Variants in LRFN5 observed in about 807,000 individuals in gnomAD.
The protein encoded by LRFN5 is leucine-rich repeat and fibronectin type-III domain-containing protein 5.
Under a neutral mutation model 45.6 loss-of-function variants are expected in LRFN5, and 24 were observed. The ratio of observed to expected loss-of-function variants is 0.53; its 90% CI spans 0.38 to 0.74. LRFN5 has a LOEUF of 0.74. LRFN5 is among the 30% of genes least tolerant of loss of function. The probability of loss-of-function intolerance (pLI) is 0.00; values close to 1 mark genes in which losing one functional copy is unlikely to be tolerated. For missense variants in LRFN5, 776 were observed against 861.5 expected, an observed-to-expected ratio of 0.90 and a Z score of 1.24; for synonymous variants, 340 against 313.8, an observed-to-expected ratio of 1.08 and a Z score of -0.88.
chr14:41,651,920 T>C (rs1270923569), intron 1 of LRFN5, among the ~76,000 whole-genome samples: 2 of 152,156 alleles, frequency 1.3e-5, no homozygotes, highest in East Asian at 3.8e-4. Context: ...TCTCCCTTTG[T>C]CTTAATATGT....
In LRFN5 at chr14:41,891,707, G is replaced by GA; in HGVS notation, c.1846dup (p.Thr616AsnfsTer43). On this transcript the variant is annotated frameshift_variant, in exon 4 of 6. Coordinates refer to ENST00000298119, the MANE Select transcript of LRFN5 (RefSeq NM_152447.5). LOFTEE classifies it high-confidence loss of function. The stretch of plus-strand genomic sequence containing the variant: ...CAGTGACAATGTGATTCAATCTTCA[G>GA]AAACTTGTTCGAGTCAGGACTCCTC... 1 of 1,614,168 alleles carries GA rather than the reference G, an allele frequency of 6.2e-7. No individual in the cohort carries two copies. The highest frequency in any genetic ancestry group is 8.5e-7 in the Non-Finnish European group (1 of 1,180,034).
chr14:41,836,933 G>T (rs1213946265), intron 2 of LRFN5, among the ~76,000 whole-genome samples: 1 of 152,076 alleles, frequency 6.6e-6, no homozygotes, highest in East Asian at 1.9e-4. Context: ...GCAGTGTGTA[G>T]TCCCCTGTTT....
At chr14:41,634,390 A>T (rs541727431) in intron 1 of LRFN5, among the ~76,000 whole-genome samples, 17 of 152,290 alleles carry the variant, frequency 1.1e-4, no homozygotes, top group Admixed American at 2.6e-4. Context: ...CCCTCTGTCT[A>T]ATGCAGTTTC....
At chr14:41,797,430 T>C (rs1165651523) in intron 2 of LRFN5, among the ~76,000 whole-genome samples, 3 of 151,736 alleles carry the variant, frequency 2.0e-5, no homozygotes, top group Admixed American at 2.0e-4. Flanking sequence ...ATATTTCTAT[T>C]TATCAACTTG....
At chr14:41,725,280 G>T (rs58625155) in intron 1 of LRFN5, among the ~76,000 whole-genome samples, 6,818 of 152,244 alleles carry the variant, frequency 0.045, 339 homozygotes, top group African/African-American at 0.12. Flanking sequence ...AGAACGTGGG[G>T]CTAGCTGACT....
intron 2 of LRFN5, among the ~76,000 whole-genome samples, chr14:41,875,763 T>A (rs1197256781): frequency 1.3e-5 from 2 of 152,036 alleles, no homozygotes; most frequent in East Asian, 3.9e-4. Context: ...GAAAATAGAG[T>A]CTTTAGGATC....
intron 2 of LRFN5, among the ~76,000 whole-genome samples, chr14:41,833,943 C>G (rs1169959807): frequency 6.6e-6 from 1 of 152,116 alleles, no homozygotes; most frequent in African/African-American, 2.4e-5. Flanking sequence ...GATTTTTGTA[C>G]AGCAGTCTAT....
chr14:41,683,223 T>G (rs1257544748), intron 1 of LRFN5, among the ~76,000 whole-genome samples: 1 of 152,182 alleles, frequency 6.6e-6, no homozygotes, highest in African/African-American at 2.4e-5. Context: ...AAAATCCATA[T>G]GATCATTTCA....
At chr14:41,721,405 G>T (rs1883707816) in intron 1 of LRFN5, among the ~76,000 whole-genome samples, 1 of 152,138 alleles carries the variant, frequency 6.6e-6, no homozygotes, top group African/African-American at 2.4e-5. Context: ...GTTTAATCTT[G>T]TTGTGAAGTT....
chr14:41,778,690 C>G (rs1284598311), intron 2 of LRFN5, among the ~76,000 whole-genome samples: 3 of 151,750 alleles, frequency 2.0e-5, no homozygotes, highest in Admixed American at 6.6e-5. Context: ...TTGTTATGAT[C>G]CCTTTCTGCC....
At chr14:41,738,527 G>C (rs985442558) in intron 1 of LRFN5, among the ~76,000 whole-genome samples, 12 of 152,120 alleles carry the variant, frequency 7.9e-5, no homozygotes, top group African/African-American at 2.9e-4. Context: ...TAAATGACAG[G>C]ATTCTGGGTA....
chr14:41,895,134 A>C, intron 4 of LRFN5: 3 of 775,820 alleles, frequency 3.9e-6, no homozygotes, highest in Non-Finnish European at 4.7e-6. Context: ...GTGTTCCTGC[A>C]TTATTTTTGT....
rs138993890 is a variant in LRFN5 at position 41,751,930 on chromosome 14, A to G, written c.-196-14924A>G. Among the ~76,000 whole-genome samples the G allele has an allele frequency of 2.1e-3, 325 of 152,096 alleles. 1 individual carries two copies. Among genetic ancestry groups the G allele is most frequent in the African/African-American group, 7.6e-3 (316 of 41,486 alleles). ...CCCTCCCCTCTCCCGCCAACCCACA[A>G]CAGGCCCCGGTGTGTGATGTTCCCC... On this transcript the variant is annotated intron_variant, in intron 1 of 5. Transcript: ENST00000298119.
chr14:41,718,190 A>G (rs1307849159), intron 1 of LRFN5, among the ~76,000 whole-genome samples: 2 of 152,194 alleles, frequency 1.3e-5, no homozygotes, highest in South Asian at 2.1e-4. Flanking sequence ...GTTACTTGAC[A>G]TCTCTAAGCC....
chr14:41,697,446 T>G (rs1037213122), intron 1 of LRFN5, among the ~76,000 whole-genome samples: 6 of 151,912 alleles, frequency 3.9e-5, no homozygotes, highest in African/African-American at 1.4e-4. Context: ...TAGACATGTG[T>G]TAAAATATGC....
chr14:41,882,232 AT>A (rs71440758), intron 2 of LRFN5, among the ~76,000 whole-genome samples: 1,750 of 150,838 alleles, frequency 0.012, 32 homozygotes, highest in African/African-American at 0.041. Context: ...CACCCCTAGC[AT>A]TTTTTTTTCT....
intron 2 of LRFN5, among the ~76,000 whole-genome samples, chr14:41,865,961 T>G (rs1889825963): frequency 6.6e-6 from 1 of 152,198 alleles, no homozygotes. Context: ...TACCAGACCC[T>G]TATCATAAGT....
At chr14:41,662,254 A>G (rs1306035246) in intron 1 of LRFN5, among the ~76,000 whole-genome samples, 1 of 152,100 alleles carries the variant, frequency 6.6e-6, no homozygotes, top group Non-Finnish European at 1.5e-5. Context: ...GTAGTTAGTT[A>G]TTCATGACAT....
intron 2 of LRFN5, among the ~76,000 whole-genome samples, chr14:41,822,973 C>T (rs905743419): frequency 1.3e-5 from 2 of 150,504 alleles, no homozygotes; most frequent in African/African-American, 4.9e-5. Context: ...TACTCCTGCT[C>T]ACTTTTGGTT....
Sources: allele counts gnomAD v4.1 joint callset (sites outside exome capture counted in the v4.1 genomes callset), GRCh38; gene constraint gnomAD v4.1.1; transcripts MANE v1.5; gene names NCBI Gene and HGNC (gene_info 2026-07-23, HGNC 2026-07-21).